The following MAP4 variants were observed in gnomAD, a reference collection of about 807,000 sequenced individuals.
The protein encoded by MAP4 is microtubule-associated protein 4.
A neutral mutation model predicts 170.2 loss-of-function variants in MAP4; 76 were observed. That is an observed-to-expected ratio of 0.45 (90% CI 0.37 to 0.54). MAP4 has a LOEUF of 0.54. Ranked by LOEUF, MAP4 falls within the 20% of genes least tolerant of loss-of-function variation. The pLI is 0.00. For missense variants in MAP4, 2,506 were observed against 2,748.0 expected (o/e 0.91, Z 1.97); for synonymous variants, 909 against 994.5 (o/e 0.91, Z 1.62).
intron 17 of MAP4, among the ~76,000 whole-genome samples, chr3:47,858,951 A>AC (rs1156855619): frequency 1.3e-5 from 2 of 151,776 alleles, no homozygotes; most frequent in African/African-American, 4.8e-5. Context: ...ACATGGTGAA[A>AC]CCCCGTCTCT....
At chr3:47,938,094 G>A (rs1307583294) in intron 3 of MAP4, among the ~76,000 whole-genome samples, 2 of 151,868 alleles carry the variant, frequency 1.3e-5, no homozygotes, top group African/African-American at 4.8e-5. Context: ...ATCTCTGCTG[G>A]GTGTGGTGGC....
intron 3 of MAP4, among the ~76,000 whole-genome samples, chr3:47,939,412 C>T (rs2100054947): frequency 6.6e-6 from 1 of 152,044 alleles, no homozygotes; most frequent in Non-Finnish European, 1.5e-5. Context: ...CCTCACAATG[C>T]CTAGCTAACT....
chr3:47,892,169 T>C (rs1229430264), intron 10 of MAP4: 18 of 1,536,304 alleles, frequency 1.2e-5, no homozygotes, highest in Non-Finnish European at 1.6e-5. Context: ...TGAAATCACA[T>C]ACCTGCTCTC....
At chr3:48,048,689 T>A (rs1010532173) in intron 1 of MAP4, among the ~76,000 whole-genome samples, 1 of 151,922 alleles carries the variant, frequency 6.6e-6, no homozygotes, top group African/African-American at 2.4e-5. Context: ...GCTAATTTTT[T>A]AAATTTTTTT....
chr3:48,045,290 C>G (rs972880802), intron 1 of MAP4, among the ~76,000 whole-genome samples: 1 of 144,714 alleles, frequency 6.9e-6, no homozygotes, highest in South Asian at 2.2e-4. Flanking sequence ...TTCATTGAAA[C>G]ATTAAAAACT....
intron 1 of MAP4, among the ~76,000 whole-genome samples, chr3:48,080,907 G>A (rs1394703831): frequency 3.3e-5 from 5 of 152,224 alleles, no homozygotes; most frequent in South Asian, 2.1e-4. Context: ...GGCAGATCAC[G>A]AAGTCAGGAG....
At chr3:47,884,423 A>G (rs550820694) in intron 10 of MAP4, among the ~76,000 whole-genome samples, 1 of 152,332 alleles carries the variant, frequency 6.6e-6, no homozygotes, top group South Asian at 2.1e-4. Context: ...AAGCACTTTT[A>G]TGATGGCTGC....
chr3:47,928,147 T>G (rs1348195245), intron 4 of MAP4, 81 bp downstream of exon 4: 2 of 1,557,828 alleles, frequency 1.3e-6, no homozygotes, highest in Non-Finnish European at 1.8e-6. Flanking sequence ...GCTAAAGCAT[T>G]TTCATCTGAA....
chr3:47,972,976 A>G (rs2100079674), intron 3 of MAP4: 2 of 963,464 alleles, frequency 2.1e-6, no homozygotes, highest in Non-Finnish European at 2.5e-6. Flanking sequence ...GGGTGGGATT[A>G]GAAGCTATAT....
intron 10 of MAP4, among the ~76,000 whole-genome samples, chr3:47,898,880 TAA>T (rs1238357642): frequency 6.6e-6 from 1 of 151,866 alleles, no homozygotes; most frequent in Non-Finnish European, 1.5e-5. Flanking sequence ...CACTTAAACC[TAA>T]GAGTCTGAGG....
chr3:47,869,064 A>C, intron 16 of MAP4, 150 bp downstream of exon 16: 3 of 645,114 alleles, frequency 4.7e-6, no homozygotes, highest in Non-Finnish European at 8.2e-6. Context: ...CTGATGGCCG[A>C]GTCATCAAGC....
At chr3:47,888,172 C>T (rs866478887) in intron 10 of MAP4, among the ~76,000 whole-genome samples, 12 of 152,158 alleles carry the variant, frequency 7.9e-5, no homozygotes, top group South Asian at 2.1e-4. Flanking sequence ...GGATTGTAAA[C>T]GCACCAATCA....
chr3:47,951,611 C>T (rs1167700075), intron 3 of MAP4, among the ~76,000 whole-genome samples: 1 of 152,144 alleles, frequency 6.6e-6, no homozygotes, highest in Non-Finnish European at 1.5e-5. Flanking sequence ...CTTGGCCTCC[C>T]GAGGTGCCGG....
At chr3:47,973,449 A>C in intron 3 of MAP4, 1 of 985,228 alleles carries the variant, frequency 1.0e-6, no homozygotes, top group African/African-American at 1.7e-5. Context: ...TGAAACATAA[A>C]ATTTCTTTCT....
At chr3:47,858,107 G>A (rs928529760) in intron 17 of MAP4, among the ~76,000 whole-genome samples, 6 of 149,816 alleles carry the variant, frequency 4.0e-5, no homozygotes, top group African/African-American at 4.9e-5. Context: ...TCCATCTCCC[G>A]GGTTCAAGTG....
In MAP4 at chr3:47,855,170, T is replaced by C; in HGVS notation, c.6696+78A>G. 2 of 942,172 alleles carry C rather than the reference T, an allele frequency of 2.1e-6. No homozygotes were observed. Among genetic ancestry groups the C allele is most frequent in the Non-Finnish European group, 3.5e-6 (2 of 576,340 alleles). 58.4% of individuals were successfully genotyped at this position (942,172 alleles called of 1,614,324 possible). On this transcript the variant is annotated intron_variant, in intron 19 of 20. Coordinates refer to ENST00000683076, the MANE Select transcript of MAP4 (RefSeq NM_001385682.1). The surrounding 1 kb of genome is among the most constrained non-coding windows in gnomAD (Gnocchi z 5.1). ...AGACTGAGGGGCGGTGACAGGTGCC[T>C]ACCTGTGAGGACCCTGACCCTAACT...
chr3:47,853,434 A>ATCCAAGGGTGGGTTT, intron 19 of MAP4, 82 bp from the exon 20 acceptor site: 5 of 987,028 alleles, frequency 5.1e-6, no homozygotes, highest in Non-Finnish European at 7.4e-6. Flanking sequence ...GGTTTCACAC[A>ATCCAAGGGTGGGTTT]CAGCCCCCAC....
chr3:47,983,373 C>CTTATTTAT (rs559313125), intron 2 of MAP4, among the ~76,000 whole-genome samples: 8 of 151,748 alleles, frequency 5.3e-5, no homozygotes, highest in African/African-American at 9.7e-5. Flanking sequence ...CCACAGTTGG[C>CTTATTTAT]TTATTTATTT....
chr3:47,935,040 A>G (rs1008165217), intron 3 of MAP4, among the ~76,000 whole-genome samples: 1 of 152,252 alleles, frequency 6.6e-6, no homozygotes, highest in Non-Finnish European at 1.5e-5. Context: ...CATAACTAAT[A>G]CCTACTTCAT....
Sources: allele counts gnomAD v4.1 joint callset (sites outside exome capture counted in the v4.1 genomes callset), GRCh38; gene constraint gnomAD v4.1.1; non-coding constraint Gnocchi (gnomAD v3.1); transcripts MANE v1.5; gene names NCBI Gene and HGNC (gene_info 2026-07-23, HGNC 2026-07-21).